The following PARP8 variants were observed in gnomAD, a reference collection of about 807,000 sequenced individuals.
The protein encoded by PARP8 is poly(ADP-ribose) polymerase family member 8.
PARP8 carries 51 observed loss-of-function variants against 124.1 expected under a neutral mutation model. The ratio of observed to expected loss-of-function variants is 0.41; its 90% confidence interval spans 0.33 to 0.52. PARP8 has a LOEUF of 0.52. Ranked by LOEUF, PARP8 falls within the 20% of genes least tolerant of loss-of-function variation. PARP8 has a pLI of 0.21. For synonymous variants in PARP8, 391 were observed against 361.5 expected (o/e 1.08, Z -0.93); for missense variants, 860 against 1,018.9 (o/e 0.84, Z 2.12).
chr5:50,836,349 G>C (rs1489244191), intron 25 of PARP8, among the ~76,000 whole-genome samples: 2 of 152,126 alleles, frequency 1.3e-5, no homozygotes, highest in African/African-American at 4.8e-5. Context: ...GTATCAGTCA[G>C]AATCCAAACA....
intron 11 of PARP8, 59 bp from the exon 12 acceptor site, chr5:50,794,794 T>A: frequency 6.9e-7 from 1 of 1,440,414 alleles, no homozygotes; most frequent in Non-Finnish European, 9.6e-7. Flanking sequence ...TGACAAGCTT[T>A]CTTCATGGTC....
intron 10 of PARP8, among the ~76,000 whole-genome samples, chr5:50,793,832 C>T (rs1288888099): frequency 6.6e-6 from 1 of 151,776 alleles, no homozygotes; most frequent in Non-Finnish European, 1.5e-5. Flanking sequence ...TTTTCTAGCA[C>T]CAAAAAAAAT....
intron 2 of PARP8, among the ~76,000 whole-genome samples, chr5:50,749,042 T>G (rs1758927473): frequency 6.6e-6 from 1 of 152,190 alleles, no homozygotes; most frequent in Non-Finnish European, 1.5e-5. Flanking sequence ...GGTTTTTCCT[T>G]TACATCCTTA....
intron 12 of PARP8, among the ~76,000 whole-genome samples, chr5:50,796,477 T>C (rs1215382140): frequency 6.6e-6 from 1 of 152,170 alleles, no homozygotes; most frequent in Non-Finnish European, 1.5e-5. Flanking sequence ...ATGTTTCCCA[T>C]GTTAGCTTCA....
chr5:50,764,116 T>G (rs1760829505), intron 7 of PARP8, among the ~76,000 whole-genome samples: 1 of 152,242 alleles, frequency 6.6e-6, no homozygotes, highest in Non-Finnish European at 1.5e-5. Flanking sequence ...CCAGTGCAGA[T>G]AAGTTACTCT....
chr5:50,797,057 G>A lies in PARP8; in HGVS notation c.1479+25G>A, dbSNP rs372075511. 16 of 1,611,766 alleles carry A rather than the reference G, an allele frequency of 9.9e-6. No individual in the cohort carries two copies. In the African/African-American group the frequency reaches 1.9e-4, roughly 19 times the overall value. ...GGTATGAGCCAAAACTCTATCCATT[G>A]TACAAATATTTTAGTTCTTACGGGG... On this transcript the variant is annotated intron_variant, in intron 13 of 25. Coordinates refer to ENST00000281631, the MANE Select transcript of PARP8 (RefSeq NM_024615.4).
intron 13 of PARP8, 23 bp downstream of exon 13, chr5:50,797,055 T>A (rs1411659998): frequency 6.2e-7 from 1 of 1,612,194 alleles, no homozygotes; most frequent in South Asian, 1.1e-5. Flanking sequence ...ACTCTATCCA[T>A]TGTACAAATA....
At chr5:50,667,623 G>A in intron 1 of PARP8, 1 of 698,926 alleles carries the variant, frequency 1.4e-6, no homozygotes, top group East Asian at 2.7e-5. Flanking sequence ...CCGGCGCCGA[G>A]GACCCCCGGG....
chr5:50,822,813 T>A (rs1160160968), intron 17 of PARP8, among the ~76,000 whole-genome samples: 15 of 152,162 alleles, frequency 9.9e-5, no homozygotes, highest in Admixed American at 9.8e-4. Context: ...TAATGCAAAA[T>A]CCCAAAACCA....
chr5:50,764,953 C>A (rs1268145559), intron 7 of PARP8, among the ~76,000 whole-genome samples: 3 of 150,798 alleles, frequency 2.0e-5, no homozygotes, highest in Non-Finnish European at 4.4e-5. Context: ...ACTTCAACTT[C>A]TTTTTTTTTG....
At chr5:50,820,643 T>G (rs1388541779) in intron 15 of PARP8, among the ~76,000 whole-genome samples, 1 of 152,184 alleles carries the variant, frequency 6.6e-6, no homozygotes, top group Non-Finnish European at 1.5e-5. Flanking sequence ...CATGCCAAAG[T>G]CTTTTCCTGC....
At chr5:50,808,533 AT>A (rs1362143186) in intron 14 of PARP8, among the ~76,000 whole-genome samples, 1 of 151,916 alleles carries the variant, frequency 6.6e-6, no homozygotes, top group African/African-American at 2.4e-5. Context: ...CTCCTGAAAG[AT>A]TTAGGGGCTT....
intron 10 of PARP8, 120 bp downstream of exon 10, chr5:50,788,709 A>G: frequency 1.3e-6 from 1 of 773,480 alleles, no homozygotes; most frequent in South Asian, 1.7e-5. Flanking sequence ...CAAGTCCCTC[A>G]AGAGAGGAAA....
intron 2 of PARP8, among the ~76,000 whole-genome samples, chr5:50,697,886 C>T (rs1302112735): frequency 6.6e-6 from 1 of 152,178 alleles, no homozygotes. Context: ...TTACTTTAGT[C>T]AACTTTACTA....
chr5:50,795,626 G>A (rs1742455401), intron 12 of PARP8, among the ~76,000 whole-genome samples: 2 of 152,064 alleles, frequency 1.3e-5, no homozygotes, highest in South Asian at 4.1e-4. Context: ...AATAAATGTA[G>A]CTATTCATTT....
chr5:50,685,324 G>T (rs1751739396), intron 2 of PARP8, among the ~76,000 whole-genome samples: 1 of 152,124 alleles, frequency 6.6e-6, no homozygotes, highest in African/African-American at 2.4e-5. Context: ...ATTGGTTTGG[G>T]GCCTAACAAT....
chr5:50,785,415 T>C (rs1320441959), intron 9 of PARP8, among the ~76,000 whole-genome samples: 5 of 152,212 alleles, frequency 3.3e-5, no homozygotes, highest in African/African-American at 7.2e-5. Flanking sequence ...TTAGTTCTAG[T>C]GCATTTCGGA....
chr5:50,803,077 A>G (rs1438996547), intron 14 of PARP8, among the ~76,000 whole-genome samples: 2 of 152,174 alleles, frequency 1.3e-5, no homozygotes, highest in Non-Finnish European at 2.9e-5. Context: ...TATGCTGGGT[A>G]TAGAATTCAT....
At chr5:50,801,244 C>T (rs568552751) in intron 14 of PARP8, among the ~76,000 whole-genome samples, 109 of 152,042 alleles carry the variant, frequency 7.2e-4, no homozygotes, top group Non-Finnish European at 1.3e-3. Flanking sequence ...GGATTACAGG[C>T]ATGCACCACC....
Sources: gnomAD v4.1 joint callset for allele counts (sites outside exome capture counted in the v4.1 genomes callset) on GRCh38, gnomAD v4.1.1 for gene constraint, MANE v1.5 for transcripts, NCBI Gene and HGNC (gene_info 2026-07-23, HGNC 2026-07-21) for gene names.